The following STK3 variants were observed in gnomAD, a reference collection of about 807,000 sequenced individuals.
STK3 encodes the protein serine/threonine-protein kinase 3.
A neutral mutation model predicts 58.0 loss-of-function variants in STK3; 41 were observed. That is an observed-to-expected ratio of 0.71 (90% confidence interval 0.55 to 0.92). STK3 has a LOEUF of 0.92. Ranked by LOEUF, STK3 falls within the 40% of genes least tolerant of loss-of-function variation. The probability of loss-of-function intolerance (pLI) is 0.00; values close to 1 mark genes in which losing one functional copy is unlikely to be tolerated. For missense variants in STK3, 479 were observed against 602.7 expected (o/e 0.79, Z 2.15); for synonymous variants, 170 against 191.0 (o/e 0.89, Z 0.91).
intron 1 of STK3, among the ~76,000 whole-genome samples, chr8:98,910,415 T>A (rs899279830): frequency 6.6e-6 from 1 of 152,218 alleles, no homozygotes; most frequent in Non-Finnish European, 1.5e-5. Context: ...TCAATAAACG[T>A]GAAGAACTAA....
intron 8 of STK3, among the ~76,000 whole-genome samples, chr8:98,561,952 G>A (rs918675920): frequency 3.3e-5 from 5 of 152,008 alleles, no homozygotes; most frequent in South Asian, 2.1e-4. Flanking sequence ...AAATTAAAAC[G>A]AGATACCACT....
rs901999047 is a variant in STK3 at position 98,686,117 on chromosome 8, G to C, written c.684+20350C>G. On this transcript the variant is annotated intron_variant, in intron 6 of 10. Transcript: ENST00000419617. ...TAACATTAAAATGCTAGTTATCACT[G>C]AACTATAAATTCCAAAAGAACAGTG... 7.9e-5 allele frequency among the ~76,000 whole-genome samples: 12 copies of C among 152,028 alleles called. No individual in the cohort carries two copies. The South Asian group carries it at 8.3e-4, about 11-fold the overall frequency.
chr8:98,632,659 T>C (rs1819346633), intron 6 of STK3, among the ~76,000 whole-genome samples: 1 of 152,228 alleles, frequency 6.6e-6, no homozygotes, highest in East Asian at 1.9e-4. Flanking sequence ...TGATTTGTTT[T>C]CCTAAAACTA....
At chr8:98,392,466 G>A (rs1293219421), upstream of STK3, among the ~76,000 whole-genome samples, 5 of 152,108 alleles carry the variant, frequency 3.3e-5, no homozygotes, top group Non-Finnish European at 4.4e-5. Flanking sequence ...CACCGAAACC[G>A]AGATGAATTG....
intron 10 of STK3, among the ~76,000 whole-genome samples, chr8:98,457,158 G>C (rs1819554976): frequency 6.6e-6 from 1 of 152,184 alleles, no homozygotes; most frequent in Non-Finnish European, 1.5e-5. Flanking sequence ...CATATGTCAT[G>C]AAAGAACCTA....
chr8:98,813,287 T>C (rs971893498), intron 1 of STK3, among the ~76,000 whole-genome samples: 1 of 152,238 alleles, frequency 6.6e-6, no homozygotes, highest in African/African-American at 2.4e-5. Context: ...AGCCAACATC[T>C]ATCGGACTCT....
intron 3 of STK3, among the ~76,000 whole-genome samples, chr8:98,417,504 A>G (rs1296440747): frequency 1.4e-5 from 2 of 140,134 alleles, no homozygotes; most frequent in East Asian, 4.2e-4. Flanking sequence ...ACAGAGCGAG[A>G]CTCTGTCTCA....
At chr8:98,556,739 C>T (rs551419148) in intron 8 of STK3, among the ~76,000 whole-genome samples, 4 of 151,970 alleles carry the variant, frequency 2.6e-5, no homozygotes, top group Admixed American at 6.6e-5. Flanking sequence ...TAGAATCAGA[C>T]GGTTATTACT....
At chr8:98,638,008 CT>C (rs1301901674) in intron 6 of STK3, among the ~76,000 whole-genome samples, 1 of 152,060 alleles carries the variant, frequency 6.6e-6, no homozygotes, top group East Asian at 1.9e-4. Flanking sequence ...TCCTTTTAAA[CT>C]CTCTACTCAT....
chr8:98,740,366 G>C (rs1330380896), intron 4 of STK3, among the ~76,000 whole-genome samples: 2 of 152,190 alleles, frequency 1.3e-5, no homozygotes, highest in African/African-American at 4.8e-5. Flanking sequence ...TACCCACAAA[G>C]GGAAGCCCAT....
chr8:98,942,159 G>A (rs1395835318), intron 1 of STK3, among the ~76,000 whole-genome samples: 2 of 152,210 alleles, frequency 1.3e-5, no homozygotes, highest in Non-Finnish European at 2.9e-5. Flanking sequence ...CGAGGGGCTG[G>A]CTGGGTCTGA....
intron 6 of STK3, among the ~76,000 whole-genome samples, chr8:98,652,819 C>T (rs1276519969): frequency 6.6e-6 from 1 of 151,174 alleles, no homozygotes; most frequent in African/African-American, 2.4e-5. Flanking sequence ...CAGGAGCACC[C>T]AGATTCATAA....
intron 10 of STK3, among the ~76,000 whole-genome samples, chr8:98,497,817 A>G (rs1823256337): frequency 1.3e-5 from 2 of 152,176 alleles, no homozygotes; most frequent in Admixed American, 1.3e-4. Context: ...GGATGTAGAG[A>G]AATTGGAACC....
intron 2 of STK3, among the ~76,000 whole-genome samples, chr8:98,375,697 A>G (rs1407040776): frequency 6.6e-6 from 1 of 152,128 alleles, no homozygotes; most frequent in East Asian, 1.9e-4. Flanking sequence ...TCAACATAGT[A>G]TCTTTGCATT....
intron 6 of STK3, among the ~76,000 whole-genome samples, chr8:98,656,331 G>A (rs1180884243): frequency 2.6e-5 from 4 of 151,514 alleles, no homozygotes; most frequent in African/African-American, 9.7e-5. Context: ...TCTGGGGACT[G>A]TTGTGGGGTG....
At chr8:98,515,359 G>A (rs922743304) in intron 10 of STK3, among the ~76,000 whole-genome samples, 7 of 152,072 alleles carry the variant, frequency 4.6e-5, no homozygotes, top group Non-Finnish European at 8.8e-5. Flanking sequence ...CAGCAGACAT[G>A]GTTGCCTTTA....
intron 1 of STK3, among the ~76,000 whole-genome samples, chr8:98,803,422 G>T (rs1321949181): frequency 6.6e-6 from 1 of 151,486 alleles, no homozygotes; most frequent in Non-Finnish European, 1.5e-5. Context: ...GTGAAACCCC[G>T]TCTCTACTAA....
rs182846855 is a variant in STK3, at chr8:98,790,857, G to A, written c.27-16038C>T. 8.8e-3 allele frequency among the ~76,000 whole-genome samples: 1,342 copies of A among 152,150 alleles called. 11 individuals are homozygous for A. The highest frequency in any genetic ancestry group is 0.03 in the African/African-American group (1,257 of 41,476). ...AACTTAGTTGGGCATGGTGGCAGGC[G>A]CCTGTAATCCCAGCTACTTGGGAGG... is the stretch of plus-strand genomic sequence containing the variant. On this transcript the variant is annotated intron_variant, in intron 1 of 10. Coordinates refer to ENST00000419617, the MANE Select transcript of STK3 (RefSeq NM_006281.4).
intron 6 of STK3, among the ~76,000 whole-genome samples, chr8:98,620,674 G>C (rs28548396): frequency 0.04 from 5,972 of 150,934 alleles, 155 homozygotes; most frequent in Non-Finnish European, 0.056. Flanking sequence ...CAAGAAGAAA[G>C]AAAATAATAA....
Sources: gnomAD v4.1 joint callset for allele counts (sites outside exome capture counted in the v4.1 genomes callset) on GRCh38, gnomAD v4.1.1 for gene constraint, MANE v1.5 for transcripts, NCBI Gene and HGNC (gene_info 2026-07-23, HGNC 2026-07-21) for gene names.